The following MGAT4C variants were observed in gnomAD, a reference collection of about 807,000 sequenced individuals.
MGAT4C encodes the protein MGAT4 family member C.
In MGAT4C, 19 loss-of-function variants were observed where a neutral mutation model predicts 40.1. That is an observed-to-expected ratio of 0.47 (90% CI 0.33 to 0.70). The LOEUF is 0.70. Ranked by LOEUF, MGAT4C falls within the 30% of genes least tolerant of loss-of-function variation. The probability of loss-of-function intolerance (pLI) is 0.02; values close to 1 mark genes in which losing one functional copy is unlikely to be tolerated. For synonymous variants in MGAT4C, 181 were observed against 187.1 expected (o/e 0.97, Z 0.27); for missense variants, 491 against 563.2 (o/e 0.87, Z 1.30).
chr12:86,179,550 G>A (rs768088576), intron 1 of MGAT4C, among the ~76,000 whole-genome samples: 10 of 152,156 alleles, frequency 6.6e-5, no homozygotes, highest in Non-Finnish European at 1.2e-4. Flanking sequence ...ATAGTGATAT[G>A]AACAATTCTA....
chr12:86,731,808 A>C (rs1950914205), intron 1 of MGAT4C, among the ~76,000 whole-genome samples: 1 of 152,148 alleles, frequency 6.6e-6, no homozygotes. Context: ...GTAGTATTGC[A>C]TTAAGGTTTT....
At chr12:86,502,823 G>A (rs201457369) in intron 2 of MGAT4C, among the ~76,000 whole-genome samples, 52 of 16,330 alleles carry the variant, frequency 3.2e-3, no homozygotes, top group Middle Eastern at 0.042. Flanking sequence ...TCATATATAT[G>A]TATACACGAG....
intron 2 of MGAT4C, among the ~76,000 whole-genome samples, chr12:86,687,749 C>A (rs546306225): frequency 1.3e-5 from 2 of 152,024 alleles, no homozygotes; most frequent in African/African-American, 4.8e-5. Flanking sequence ...TGTTTTACTT[C>A]GAATTATGTG....
intron 3 of MGAT4C, among the ~76,000 whole-genome samples, chr12:85,984,148 A>G (rs759371601): frequency 2.6e-5 from 4 of 152,202 alleles, no homozygotes; most frequent in Non-Finnish European, 5.9e-5. Flanking sequence ...GTGAAACTTT[A>G]GGAATGATTA....
chr12:86,142,867 G>A (rs763465791), intron 1 of MGAT4C, among the ~76,000 whole-genome samples: 3 of 151,950 alleles, frequency 2.0e-5, no homozygotes. Flanking sequence ...TGTATTTGGC[G>A]ATAGATCTTA....
rs1358392752 is a variant in MGAT4C, at chr12:86,445,188, C to T, written c.-228-9923G>A. ...TTAAATATGTGTAGCCTAATTTATG[C>T]CAATTATACTGCAAATATGACATTT... is the stretch of plus-strand genomic sequence containing the variant. On this transcript the variant is annotated intron_variant, in intron 2 of 7. Coordinates refer to the MGAT4C transcript ENST00000548651. Among the ~76,000 whole-genome samples the T allele has an allele frequency of 2.6e-5, 4 of 151,994 alleles. No individual in the cohort carries two copies. In the East Asian group the frequency reaches 7.8e-4, roughly 30 times the overall value.
At chr12:86,729,795 G>A (rs1950880054) in intron 1 of MGAT4C, among the ~76,000 whole-genome samples, 1 of 152,068 alleles carries the variant, frequency 6.6e-6, no homozygotes, top group African/African-American at 2.4e-5. Context: ...CTAGATGGGA[G>A]TAGAGTATCT....
intron 2 of MGAT4C, among the ~76,000 whole-genome samples, chr12:86,461,418 T>C (rs1321739972): frequency 6.6e-6 from 1 of 152,000 alleles, no homozygotes; most frequent in Non-Finnish European, 1.5e-5. Context: ...GTTAATTTTT[T>C]GTATTTTTAG....
intron 4 of MGAT4C, among the ~76,000 whole-genome samples, chr12:86,314,583 A>G (rs905264893): frequency 6.6e-6 from 1 of 152,246 alleles, no homozygotes; most frequent in African/African-American, 2.4e-5. Flanking sequence ...ATGACGAAGG[A>G]CTTCAGTAAA....
chr12:86,693,320 C>T (rs1950202518), intron 2 of MGAT4C, among the ~76,000 whole-genome samples: 1 of 152,094 alleles, frequency 6.6e-6, no homozygotes, highest in Admixed American at 6.6e-5. Flanking sequence ...GCAAGGAATT[C>T]TTCTCTTGGT....
chr12:86,591,266 T>A (rs1375403369), intron 2 of MGAT4C, among the ~76,000 whole-genome samples: 1 of 152,004 alleles, frequency 6.6e-6, no homozygotes, highest in Non-Finnish European at 1.5e-5. Flanking sequence ...TTGATCAGCA[T>A]ACATCCAGTC....
At chr12:86,232,947 C>T (rs1425780997) in intron 1 of MGAT4C, among the ~76,000 whole-genome samples, 1 of 152,184 alleles carries the variant, frequency 6.6e-6, no homozygotes, top group African/African-American at 2.4e-5. Flanking sequence ...TCCCATACAG[C>T]AGTCAGTAAA....
chr12:86,445,367 A>C (rs968265069), intron 2 of MGAT4C, among the ~76,000 whole-genome samples: 3 of 152,214 alleles, frequency 2.0e-5, no homozygotes, highest in Admixed American at 6.5e-5. Context: ...CATCAAAAAT[A>C]TTCATTCACC....
At chr12:86,016,140 C>A (rs1464670102) in intron 2 of MGAT4C, 2 of 152,124 alleles carry the variant, frequency 1.3e-5, no homozygotes, top group African/African-American at 4.8e-5. Context: ...TGATGAATTG[C>A]CATCACATAT....
chr12:86,025,829 T>A (rs912086747), intron 2 of MGAT4C, among the ~76,000 whole-genome samples: 1 of 151,670 alleles, frequency 6.6e-6, no homozygotes, highest in African/African-American at 2.4e-5. Flanking sequence ...TGTATCTGAC[T>A]CCCCAGACTG....
intron 1 of MGAT4C, among the ~76,000 whole-genome samples, chr12:86,188,094 T>C (rs1888977214): frequency 6.6e-6 from 1 of 152,044 alleles, no homozygotes; most frequent in South Asian, 2.1e-4. Flanking sequence ...CTTTCTCTTT[T>C]CTGCTATGAT....
chr12:86,082,716 T>C (rs567460976), intron 1 of MGAT4C, among the ~76,000 whole-genome samples: 11 of 152,166 alleles, frequency 7.2e-5, no homozygotes, highest in Admixed American at 3.3e-4. Context: ...AATACATTTC[T>C]ATTGGGGTTT....
chr12:86,137,054 T>C (rs1882072026), intron 1 of MGAT4C, among the ~76,000 whole-genome samples: 1 of 152,072 alleles, frequency 6.6e-6, no homozygotes, highest in African/African-American at 2.4e-5. Flanking sequence ...TGTCCTGAGC[T>C]CCATTACAGA....
intron 2 of MGAT4C, among the ~76,000 whole-genome samples, chr12:86,485,509 G>T (rs1958005360): frequency 6.6e-6 from 1 of 150,814 alleles, no homozygotes; most frequent in Admixed American, 6.6e-5. Flanking sequence ...AGTTCTTCAA[G>T]TCAACTCACT....
Sources: gnomAD v4.1 joint callset for allele counts (sites outside exome capture counted in the v4.1 genomes callset) on GRCh38, gnomAD v4.1.1 for gene constraint, MANE v1.5 for transcripts, NCBI Gene and HGNC (gene_info 2026-07-23, HGNC 2026-07-21) for gene names.